Variants in EHBP1 observed in about 807,000 individuals in gnomAD.
EHBP1 encodes EH domain-binding protein 1.
EHBP1 carries 55 observed loss-of-function variants against 144.0 expected under a neutral mutation model. That is an observed-to-expected ratio of 0.38 (90% CI 0.31 to 0.48). The LOEUF is 0.48. Among genes scored for constraint, EHBP1 ranks in the 20% least tolerant of loss-of-function variants. The pLI is 0.98. For missense variants in EHBP1, 1,200 were observed against 1,364.2 expected (o/e 0.88, Z 1.90); for synonymous variants, 469 against 472.7 (o/e 0.99, Z 0.10).
chr2:62,810,656 T>G (rs898223498), intron 5 of EHBP1, among the ~76,000 whole-genome samples: 1 of 152,192 alleles, frequency 6.6e-6, no homozygotes, highest in Non-Finnish European at 1.5e-5. Context: ...CCTGAAGATT[T>G]AGGAGTCATT....
intron 10 of EHBP1, among the ~76,000 whole-genome samples, chr2:62,890,826 T>C (rs2052397687): frequency 6.6e-6 from 1 of 152,242 alleles, no homozygotes; most frequent in South Asian, 2.1e-4. Context: ...TTTCAGAGGT[T>C]GAATTTATGT....
At chr2:62,947,816 AT>A (rs1270170215) in intron 12 of EHBP1, among the ~76,000 whole-genome samples, 1 of 152,120 alleles carries the variant, frequency 6.6e-6, no homozygotes, top group African/African-American at 2.4e-5. Flanking sequence ...CTTAAATTGC[AT>A]TTATTTGTAT....
intron 6 of EHBP1, among the ~76,000 whole-genome samples, chr2:62,830,153 G>GTCACACACAC (rs2046705355): frequency 7.6e-6 from 1 of 132,136 alleles, no homozygotes; most frequent in Non-Finnish European, 1.6e-5. Flanking sequence ...TATATATATA[G>GTCACACACAC]ACACACACAC....
chr2:62,892,746 C>T (rs1053018641), intron 10 of EHBP1, among the ~76,000 whole-genome samples: 3 of 151,870 alleles, frequency 2.0e-5, no homozygotes, highest in Non-Finnish European at 4.4e-5. Flanking sequence ...TCCCTCCCAC[C>T]CTCAATAGTG....
chr2:62,895,278 T>TCATC (rs2052806693), intron 10 of EHBP1, among the ~76,000 whole-genome samples: 1 of 149,686 alleles, frequency 6.7e-6, no homozygotes, highest in South Asian at 2.1e-4. Flanking sequence ...ATGTAAATTC[T>TCATC]ATCATCATCA....
intron 5 of EHBP1, among the ~76,000 whole-genome samples, chr2:62,822,144 A>C (rs1285648088): frequency 6.6e-6 from 1 of 152,164 alleles, no homozygotes; most frequent in African/African-American, 2.4e-5. Context: ...GTCTCAGAAT[A>C]TGTTTATTCA....
At chr2:62,963,573 A>G (rs971115222) in intron 14 of EHBP1, among the ~76,000 whole-genome samples, 1 of 152,238 alleles carries the variant, frequency 6.6e-6, no homozygotes, top group African/African-American at 2.4e-5. Flanking sequence ...CTTAGGAATC[A>G]AAGCTTTAAA....
rs188012227 is a variant in EHBP1, at chr2:62,929,866, C to T, written c.1186-12852C>T. Among the ~76,000 whole-genome samples, 18 of 151,830 alleles carry T rather than the reference C, an allele frequency of 1.2e-4. 1 individual carries two copies. The highest frequency in any genetic ancestry group is 5.9e-4 in the Admixed American group (9 of 15,240). On this transcript the variant is annotated intron_variant, in intron 10 of 22. Transcript: ENST00000431489. ...CTGTTGTAACTAATAAATTCAGCAA[C>T]GTAGCATGATACAAAAACCAATCCG...
intron 19 of EHBP1, among the ~76,000 whole-genome samples, chr2:63,010,087 G>C (rs553789895): frequency 3.3e-5 from 5 of 151,508 alleles, no homozygotes; most frequent in African/African-American, 1.2e-4. Flanking sequence ...TTGGAGCAAG[G>C]AAGGCTAAGA....
At chr2:62,997,826 G>A (rs1039928333) in intron 19 of EHBP1, among the ~76,000 whole-genome samples, 1 of 152,026 alleles carries the variant, frequency 6.6e-6, no homozygotes, top group African/African-American at 2.4e-5. Flanking sequence ...TGGGACAGTG[G>A]GTTTCATACT....
intron 10 of EHBP1, among the ~76,000 whole-genome samples, chr2:62,927,591 A>G (rs183631350): frequency 1.1e-4 from 17 of 152,322 alleles, no homozygotes; most frequent in East Asian, 1.9e-4. Flanking sequence ...TTGCACACCT[A>G]ATAACTGACC....
chr2:62,768,651 T>C (rs1430161035), intron 4 of EHBP1, among the ~76,000 whole-genome samples: 1 of 152,208 alleles, frequency 6.6e-6, no homozygotes, highest in Non-Finnish European at 1.5e-5. Flanking sequence ...GAGAAACTCC[T>C]TCCCAACTCA....
intron 5 of EHBP1, among the ~76,000 whole-genome samples, chr2:62,796,438 A>C (rs896510119): frequency 6.6e-6 from 1 of 152,172 alleles, no homozygotes; most frequent in African/African-American, 2.4e-5. Context: ...TCACCTTTTA[A>C]TACACAATAA....
chr2:62,880,320 A>G (rs2051292956), intron 10 of EHBP1, among the ~76,000 whole-genome samples: 1 of 150,996 alleles, frequency 6.6e-6, no homozygotes, highest in African/African-American at 2.4e-5. Context: ...TGAAGATTTC[A>G]TGACAAAAAC....
At chr2:62,918,467 G>A (rs1199064408) in intron 10 of EHBP1, among the ~76,000 whole-genome samples, 1 of 151,982 alleles carries the variant, frequency 6.6e-6, no homozygotes, top group East Asian at 1.9e-4. Flanking sequence ...TAAATTAATG[G>A]CTACAGACTA....
intron 5 of EHBP1, among the ~76,000 whole-genome samples, chr2:62,790,490 T>G (rs1348201123): frequency 6.6e-6 from 1 of 152,200 alleles, no homozygotes; most frequent in East Asian, 1.9e-4. Context: ...ATTAAACATT[T>G]AGAGAACTGC....
chr2:62,855,188 C>T (rs1229188548), intron 7 of EHBP1, among the ~76,000 whole-genome samples: 3 of 152,236 alleles, frequency 2.0e-5, no homozygotes, highest in African/African-American at 7.2e-5. Flanking sequence ...TCTGGCTTCT[C>T]CCTGCTATTG....
At chr2:63,014,835 G>A (rs762222794) in intron 19 of EHBP1, among the ~76,000 whole-genome samples, 5 of 152,120 alleles carry the variant, frequency 3.3e-5, no homozygotes, top group African/African-American at 9.7e-5. Context: ...AAAATTAGCC[G>A]AGTGTGGTGG....
chr2:62,937,911 A>G (rs1159146157), intron 10 of EHBP1, among the ~76,000 whole-genome samples: 1 of 152,182 alleles, frequency 6.6e-6, no homozygotes, highest in Admixed American at 6.5e-5. Context: ...GAACGATGCT[A>G]TGACATGGGT....
Sources: allele counts gnomAD v4.1 joint callset (sites outside exome capture counted in the v4.1 genomes callset), GRCh38; gene constraint gnomAD v4.1.1; transcripts MANE v1.5; gene names NCBI Gene and HGNC (gene_info 2026-07-23, HGNC 2026-07-21).